Variants in CSMD1 observed in about 807,000 individuals in gnomAD.
CSMD1 encodes CUB and sushi domain-containing protein 1.
A neutral mutation model predicts 417.5 loss-of-function variants in CSMD1; 213 were observed. That is an observed-to-expected ratio of 0.51 (90% confidence interval 0.46 to 0.57). The LOEUF is 0.57. Ranked by LOEUF, CSMD1 falls within the 20% of genes least tolerant of loss-of-function variation. The probability of loss-of-function intolerance (pLI) is 0.00; values close to 1 mark genes in which losing one functional copy is unlikely to be tolerated. For synonymous variants in CSMD1, 2,862 were observed against 1,736.8 expected, an observed-to-expected ratio of 1.65 and a Z score of -16.11; for missense variants, 6,923 against 4,529.7, an observed-to-expected ratio of 1.53 and a Z score of -15.17.
chr8:3,658,548 C>T lies in CSMD1; in HGVS notation c.1010-41751G>A, dbSNP rs1313215764. Among the ~76,000 whole-genome samples, 5 of 150,770 alleles carry T rather than the reference C, an allele frequency of 3.3e-5. 1 individual carries two copies. Among genetic ancestry groups the T allele is most frequent in the African/African-American group, 1.2e-4 (5 of 41,110 alleles). ...CTGTAATCCCAGCACTTTGGGAGGC[C>T]AAGGCAGGTGGATGACTTGAGGTCA... On this transcript the variant is annotated intron_variant, in intron 7 of 69. Coordinates refer to ENST00000635120, the MANE Select transcript of CSMD1 (RefSeq NM_033225.6).
At chr8:3,798,816 G>A (rs758134696) in intron 5 of CSMD1, among the ~76,000 whole-genome samples, 1 of 151,834 alleles carries the variant, frequency 6.6e-6, no homozygotes, top group Admixed American at 6.6e-5. Flanking sequence ...AATTCGTGTT[G>A]GTTGAAATTT....
At chr8:4,135,673 G>C (rs1803385868) in intron 3 of CSMD1, among the ~76,000 whole-genome samples, 1 of 151,988 alleles carries the variant, frequency 6.6e-6, no homozygotes, top group Non-Finnish European at 1.5e-5. Flanking sequence ...AAAATATTTG[G>C]ATATTTTGCT....
chr8:3,998,557 T>C (rs1235047170), intron 4 of CSMD1, among the ~76,000 whole-genome samples: 1 of 152,216 alleles, frequency 6.6e-6, no homozygotes, highest in Non-Finnish European at 1.5e-5. Flanking sequence ...TAAATTTATT[T>C]TCCATAAATT....
At chr8:4,704,720 A>T (rs1003480105) in intron 1 of CSMD1, among the ~76,000 whole-genome samples, 1 of 152,318 alleles carries the variant, frequency 6.6e-6, no homozygotes, top group Non-Finnish European at 1.5e-5. Context: ...TGCTTAATGG[A>T]ATGCCTGTCC....
intron 3 of CSMD1, among the ~76,000 whole-genome samples, chr8:4,139,286 C>T (rs1045961980): frequency 2.0e-5 from 3 of 152,136 alleles, no homozygotes; most frequent in South Asian, 4.1e-4. Context: ...TAATTGGCAC[C>T]CTGTGTCTTA....
chr8:3,649,920 T>C (rs752784911), intron 7 of CSMD1, among the ~76,000 whole-genome samples: 1 of 151,176 alleles, frequency 6.6e-6, no homozygotes, highest in Non-Finnish European at 1.5e-5. Flanking sequence ...GCATGGTATA[T>C]GTAACTTAAA....
chr8:3,382,352 AT>A (rs1316217051), intron 18 of CSMD1, among the ~76,000 whole-genome samples: 1 of 146,358 alleles, frequency 6.8e-6, no homozygotes, highest in Non-Finnish European at 1.5e-5. Context: ...ATATATGTAT[AT>A]TTATTATTAG....
chr8:4,365,148 T>A (rs1166229571), intron 3 of CSMD1, among the ~76,000 whole-genome samples: 1 of 152,184 alleles, frequency 6.6e-6, no homozygotes, highest in African/African-American at 2.4e-5. Context: ...ATACAGCATA[T>A]CATATTTTTA....
chr8:4,824,071 CAAAT>C (rs1357237565), intron 1 of CSMD1, among the ~76,000 whole-genome samples: 8 of 134,802 alleles, frequency 5.9e-5, no homozygotes, highest in South Asian at 5.0e-4. Context: ...TGCACATACA[CAAAT>C]AAATATCCAC....
Position 4,032,267 on chromosome 8 carries a change from T to G in CSMD1, c.416-168A>C, listed in dbSNP as rs150116241. 8.4e-3 allele frequency among the ~76,000 whole-genome samples: 1,274 copies of G among 152,342 alleles called. 16 individuals carry two copies. Among genetic ancestry groups the G allele is most frequent in the African/African-American group, 0.029 (1,218 of 41,588 alleles). On this transcript the variant is annotated intron_variant, in intron 3 of 69. Coordinates refer to ENST00000635120, the MANE Select transcript of CSMD1 (RefSeq NM_033225.6). ...ATAAACTGAGAAAATGTCTTCAGGT[T>G]TTAGAATATCTGCAGTATAACACTT... is the stretch of plus-strand genomic sequence containing the variant.
rs146314372 is a variant in CSMD1, at chr8:4,789,730, G to A, written c.86-152172C>T. On this transcript the variant is annotated intron_variant, in intron 1 of 69. Coordinates refer to ENST00000635120, the MANE Select transcript of CSMD1 (RefSeq NM_033225.6). ...GTATAAGATAAAGGTTGATTGTATA[G>A]CAATGCTCCCAACATAGTTCATGTA... 1.3e-3 allele frequency among the ~76,000 whole-genome samples: 201 copies of A among 152,222 alleles called. 2 individuals are homozygous for A. The highest frequency in any genetic ancestry group is 5.0e-3 in the South Asian group (24 of 4,824).
chr8:3,419,824 T>C (rs1813376803), intron 12 of CSMD1, among the ~76,000 whole-genome samples: 1 of 152,216 alleles, frequency 6.6e-6, no homozygotes, highest in Admixed American at 6.5e-5. Context: ...ATTTTCCTGC[T>C]ACTTCTAGAC....
chr8:4,003,537 AAAC>A (rs1815870319), intron 4 of CSMD1, among the ~76,000 whole-genome samples: 1 of 152,228 alleles, frequency 6.6e-6, no homozygotes, highest in South Asian at 2.1e-4. Flanking sequence ...CCAAAATTAA[AAAC>A]AAACACAGGT....
At chr8:4,155,086 C>T (rs1430298425) in intron 3 of CSMD1, among the ~76,000 whole-genome samples, 3 of 152,202 alleles carry the variant, frequency 2.0e-5, no homozygotes, top group Non-Finnish European at 4.4e-5. Flanking sequence ...GCTTTGAACT[C>T]ATGCAATGCC....
chr8:3,365,687 T>G (rs1236628613), intron 20 of CSMD1, among the ~76,000 whole-genome samples: 4 of 152,226 alleles, frequency 2.6e-5, no homozygotes, highest in Non-Finnish European at 5.9e-5. Flanking sequence ...GTTAATTGAC[T>G]GTAGGCTTTT....
intron 1 of CSMD1, among the ~76,000 whole-genome samples, chr8:4,831,590 T>C (rs1800151133): frequency 6.6e-6 from 1 of 152,042 alleles, no homozygotes; most frequent in African/African-American, 2.4e-5. Flanking sequence ...CATGCCAAGG[T>C]TTGTTGACTC....
At chr8:4,163,869 T>G (rs1478364766) in intron 3 of CSMD1, among the ~76,000 whole-genome samples, 1 of 152,150 alleles carries the variant, frequency 6.6e-6, no homozygotes, top group Non-Finnish European at 1.5e-5. Flanking sequence ...TACCATGCCA[T>G]GAAAAGAGAA....
Position 4,266,699 on chromosome 8 carries a change from T to A in CSMD1, c.415+153254A>T, listed in dbSNP as rs565724683. On this transcript the variant is annotated intron_variant, in intron 3 of 69. Coordinates refer to ENST00000635120, the MANE Select transcript of CSMD1 (RefSeq NM_033225.6). ...AAATACATTATCAAAGAATTATACT[T>A]AGTTTTATACATTATACAAAAATTC... Among the ~76,000 whole-genome samples the A allele has an allele frequency of 5.0e-3, 524 of 105,030 alleles. 75 individuals carry two copies. The highest frequency in any genetic ancestry group is 0.013 in the African/African-American group (504 of 38,582). 68.9% of individuals were successfully genotyped at this position (105,030 alleles called of 152,430 possible). A position where few individuals can be genotyped will look rare whatever the true frequency, so the allele number is the denominator to read the frequency against.
intron 7 of CSMD1, among the ~76,000 whole-genome samples, chr8:3,637,269 T>C (rs66509643): frequency 0.47 from 71,499 of 151,792 alleles, 16,946 homozygotes; most frequent in Middle Eastern, 0.63. Flanking sequence ...ACAGGTTGTC[T>C]CACTTGCTAG....
Sources: allele counts gnomAD v4.1 joint callset (sites outside exome capture counted in the v4.1 genomes callset), GRCh38; gene constraint gnomAD v4.1.1; transcripts MANE v1.5; gene names NCBI Gene and HGNC (gene_info 2026-07-23, HGNC 2026-07-21).